ACOXL: variants seen among roughly 807,000 people sequenced by gnomAD.
ACOXL encodes the protein acyl-CoA oxidase like, also known as acyl-coenzyme A oxidase-like protein.
ACOXL carries 70 observed loss-of-function variants against 71.9 expected under a neutral mutation model. The ratio of observed to expected loss-of-function variants is 0.97; its 90% CI spans 0.80 to 1.19. The LOEUF (loss-of-function observed/expected upper bound fraction) is 1.19. ACOXL is among the 50% of genes most tolerant of loss of function. ACOXL has a pLI of 0.00. For missense variants in ACOXL, 703 were observed against 736.3 expected (o/e 0.95, Z 0.52); for synonymous variants, 253 against 281.6 (o/e 0.90, Z 1.02).
intron 12 of ACOXL, among the ~76,000 whole-genome samples, chr2:110,980,505 C>A (rs2149522662): frequency 6.6e-6 from 1 of 152,286 alleles, no homozygotes. Flanking sequence ...TGTGGCACAG[C>A]AAAGCACCCC....
At chr2:110,742,621 G>C (rs748849961) in intron 1 of ACOXL, among the ~76,000 whole-genome samples, 11 of 152,208 alleles carry the variant, frequency 7.2e-5, no homozygotes, top group Non-Finnish European at 1.5e-4. Flanking sequence ...GTGAAGGACA[G>C]AAGGTGGGTG....
chr2:111,013,785 A>C (rs1427689960), intron 14 of ACOXL, among the ~76,000 whole-genome samples: 1 of 152,182 alleles, frequency 6.6e-6, no homozygotes, highest in African/African-American at 2.4e-5. Context: ...CTCTTTCAAA[A>C]ACCAGTGTAA....
At chr2:110,921,640 G>A (rs201399211) in intron 11 of ACOXL, among the ~76,000 whole-genome samples, 17 of 151,940 alleles carry the variant, frequency 1.1e-4, no homozygotes, top group Admixed American at 3.3e-4. Context: ...TGATCTGCCC[G>A]CCTTGGCCTC....
intron 9 of ACOXL, among the ~76,000 whole-genome samples, chr2:110,834,327 A>G (rs1310126801): frequency 6.6e-6 from 1 of 152,264 alleles, no homozygotes; most frequent in African/African-American, 2.4e-5. Flanking sequence ...AAGGGACTTC[A>G]GCTTTCTAGG....
At chr2:111,044,926 C>T (rs1274088671) in intron 15 of ACOXL, among the ~76,000 whole-genome samples, 1 of 152,180 alleles carries the variant, frequency 6.6e-6, no homozygotes, top group Non-Finnish European at 1.5e-5. Context: ...TGCTTCCTCT[C>T]CTTGATCCCC....
At chr2:110,821,271 T>TTC (rs956960465) in intron 9 of ACOXL, among the ~76,000 whole-genome samples, 4 of 151,926 alleles carry the variant, frequency 2.6e-5, no homozygotes, top group East Asian at 1.9e-4. Context: ...TCAAAATACT[T>TTC]TCTCTCTCTC....
chr2:111,065,395 G>A (rs2067015771), intron 16 of ACOXL, among the ~76,000 whole-genome samples: 1 of 152,166 alleles, frequency 6.6e-6, no homozygotes, highest in South Asian at 2.1e-4. Flanking sequence ...TACATAAAAT[G>A]TAACACTGCA....
intron 17 of ACOXL, among the ~76,000 whole-genome samples, chr2:111,096,557 G>A (rs957420395): frequency 2.6e-5 from 4 of 151,872 alleles, no homozygotes; most frequent in Admixed American, 6.5e-5. Context: ...TCACTTTTTC[G>A]TTTCCTGTTC....
intron 17 of ACOXL, among the ~76,000 whole-genome samples, chr2:111,102,663 TCA>T (rs2069251908): frequency 6.6e-6 from 1 of 152,018 alleles, no homozygotes; most frequent in Non-Finnish European, 1.5e-5. Flanking sequence ...AAAAGACCTC[TCA>T]GGAGATGAGA....
chr2:110,737,019 C>T (rs1005894584), intron 1 of ACOXL, among the ~76,000 whole-genome samples: 2 of 152,046 alleles, frequency 1.3e-5, no homozygotes, highest in Admixed American at 6.5e-5. Flanking sequence ...GTGGTTTTTC[C>T]GCATTTTTCT....
chr2:110,969,029 A>G (rs1338623119), intron 12 of ACOXL, among the ~76,000 whole-genome samples: 1 of 152,220 alleles, frequency 6.6e-6, no homozygotes, highest in Non-Finnish European at 1.5e-5. Context: ...AAAGAAGAAT[A>G]TCTCTAAATA....
At chr2:111,046,762 T>G (rs1022602187) in intron 15 of ACOXL, among the ~76,000 whole-genome samples, 8 of 151,950 alleles carry the variant, frequency 5.3e-5, no homozygotes, top group Non-Finnish European at 1.5e-5. Flanking sequence ...CCAAACCATA[T>G]CAGGTGGGAT....
chr2:110,997,196 G>A (rs1038893499), intron 14 of ACOXL, among the ~76,000 whole-genome samples: 10 of 152,186 alleles, frequency 6.6e-5, no homozygotes, highest in African/African-American at 2.2e-4. Flanking sequence ...AAGACAAAAC[G>A]ATAAGAGAAG....
intron 9 of ACOXL, among the ~76,000 whole-genome samples, chr2:110,811,277 A>G (rs894554641): frequency 6.6e-6 from 1 of 152,152 alleles, no homozygotes; most frequent in Admixed American, 6.5e-5. Context: ...TCAGCAGCAA[A>G]GGGCAGAGTA....
At chr2:111,034,976 G>A (rs1482729951) in intron 15 of ACOXL, among the ~76,000 whole-genome samples, 1 of 151,120 alleles carries the variant, frequency 6.6e-6, no homozygotes, top group Non-Finnish European at 1.5e-5. Flanking sequence ...GGAGTGTAGT[G>A]GCATGATCTC....
At chr2:111,087,163 C>A (rs1397406935) in intron 16 of ACOXL, among the ~76,000 whole-genome samples, 1 of 152,090 alleles carries the variant, frequency 6.6e-6, no homozygotes, top group Non-Finnish European at 1.5e-5. Flanking sequence ...ATGACACAGA[C>A]AAATGGAAAA....
At chr2:110,751,076 A>C (rs1020726384) in intron 1 of ACOXL, among the ~76,000 whole-genome samples, 1 of 151,920 alleles carries the variant, frequency 6.6e-6, no homozygotes, top group African/African-American at 2.4e-5. Context: ...AGGCAGGCGG[A>C]TCATGAGGTC....
intron 2 of ACOXL, among the ~76,000 whole-genome samples, chr2:110,773,637 T>C (rs1279411548): frequency 6.6e-6 from 1 of 152,206 alleles, no homozygotes; most frequent in Non-Finnish European, 1.5e-5. Flanking sequence ...GGCTCCCTCT[T>C]GGGCCTCTGG....
chr2:110,879,396 A>G (rs778515660), intron 10 of ACOXL, among the ~76,000 whole-genome samples: 1 of 152,356 alleles, frequency 6.6e-6, no homozygotes, highest in East Asian at 1.9e-4. Context: ...GATGTAGCCT[A>G]GGATTTCTAC....
Sources: allele counts gnomAD v4.1 joint callset (sites outside exome capture counted in the v4.1 genomes callset), GRCh38; gene constraint gnomAD v4.1.1; transcripts MANE v1.5; gene names NCBI Gene and HGNC (gene_info 2026-07-23, HGNC 2026-07-21).